ACACA: variants seen among roughly 807,000 people sequenced by gnomAD.
The protein encoded by ACACA is acetyl-CoA carboxylase 1.
In ACACA, 103 loss-of-function variants were observed where a neutral mutation model predicts 296.1. The ratio of observed to expected loss-of-function variants is 0.35; its 90% confidence interval spans 0.30 to 0.41. The LOEUF is 0.41. ACACA is among the 10% of genes least tolerant of loss of function. The pLI is 1.00. For synonymous variants in ACACA, 953 were observed against 1,038.6 expected, an observed-to-expected ratio of 0.92 and a Z score of 1.58; for missense variants, 1,554 against 2,989.7, an observed-to-expected ratio of 0.52 and a Z score of 11.20.
chr17:37,122,659 T>C, intron 48 of ACACA, 32 bp from the exon 49 acceptor site: 1 of 1,570,410 alleles, frequency 6.4e-7, no homozygotes, highest in Non-Finnish European at 8.8e-7. Context: ...AAGAACCCAA[T>C]GTATGTCAAC....
At chr17:37,327,152 ATTTAAC>A (rs1051936964) in intron 3 of ACACA, among the ~76,000 whole-genome samples, 5 of 152,218 alleles carry the variant, frequency 3.3e-5, no homozygotes, top group Non-Finnish European at 7.3e-5. Flanking sequence ...CTTAGTCTCT[ATTTAAC>A]TTTGAGTTCC....
At chr17:37,170,242 T>C (rs1343874643) in intron 41 of ACACA, among the ~76,000 whole-genome samples, 1 of 151,982 alleles carries the variant, frequency 6.6e-6, no homozygotes, top group Non-Finnish European at 1.5e-5. Context: ...GTTTCCCTTA[T>C]ACAAGTTCTA....
intron 42 of ACACA, 33 bp from the exon 43 acceptor site, chr17:37,155,813 T>A: frequency 4.3e-6 from 6 of 1,384,276 alleles, no homozygotes; most frequent in Non-Finnish European, 6.1e-6. Context: ...AACTCATTAT[T>A]TGCCATTGTC....
intron 1 of ACACA, among the ~76,000 whole-genome samples, chr17:37,370,010 C>CTT (rs374109607): frequency 2.3e-5 from 3 of 128,832 alleles, no homozygotes; most frequent in Non-Finnish European, 4.8e-5. Context: ...CTGGCCCCTC[C>CTT]TTTTTTTTTT....
chr17:37,304,499 A>G (rs114736098), intron 3 of ACACA, among the ~76,000 whole-genome samples: 1 of 152,152 alleles, frequency 6.6e-6, no homozygotes, highest in East Asian at 1.9e-4. Flanking sequence ...TGCTTAAAAA[A>G]ACAGTATTTA....
At chr17:37,090,242 C>G (rs1374393605) in intron 54 of ACACA, among the ~76,000 whole-genome samples, 5 of 152,188 alleles carry the variant, frequency 3.3e-5, no homozygotes, top group African/African-American at 1.2e-4. Flanking sequence ...CTAACTATCT[C>G]GTGCCTTCAA....
At chr17:37,390,328 A>ATC (rs1250999812) in intron 1 of ACACA, among the ~76,000 whole-genome samples, 5,528 of 72,826 alleles carry the variant, frequency 0.076, 759 homozygotes, top group East Asian at 0.13. Context: ...ATATATATAT[A>ATC]TATATAAAAG....
chr17:37,257,877 A>G lies in ACACA; in HGVS notation c.1663-11T>C. The G allele has an allele frequency of 2.5e-6, 4 of 1,613,814 alleles. No individual in the cohort carries two copies. The highest frequency in any genetic ancestry group is 3.4e-6 in the Non-Finnish European group (4 of 1,179,752). On this transcript the variant is annotated splice_polypyrimidine_tract_variant and intron_variant, in intron 13 of 55. Coordinates refer to ENST00000616317, the MANE Select transcript of ACACA (RefSeq NM_198834.3). ...GCTGGGCTTAAAACCCTGTTAGAGA[A>G]TAAAGAATGAGAGACCATATTATGT... is the stretch of plus-strand genomic sequence containing the variant.
At chr17:37,328,818 A>G (rs2047731906) in intron 3 of ACACA, 1 of 398,392 alleles carries the variant, frequency 2.5e-6, no homozygotes, top group Non-Finnish European at 4.4e-6. Flanking sequence ...TGCTGGCTGT[A>G]CACAACAATC....
intron 31 of ACACA, 88 bp downstream of exon 31, chr17:37,207,568 GA>G: frequency 6.7e-7 from 1 of 1,501,140 alleles, no homozygotes; most frequent in Non-Finnish European, 9.2e-7. Flanking sequence ...CTATTCGGGA[GA>G]CCTTTATTCA....
At chr17:37,235,821 T>C (rs573723411) in intron 24 of ACACA, among the ~76,000 whole-genome samples, 2 of 152,274 alleles carry the variant, frequency 1.3e-5, no homozygotes, top group African/African-American at 4.8e-5. Flanking sequence ...ACTAAAGTTA[T>C]GCATATTTTC....
At chr17:37,208,305 AATT>A (rs1470725927) in intron 30 of ACACA, among the ~76,000 whole-genome samples, 2 of 152,202 alleles carry the variant, frequency 1.3e-5, no homozygotes, top group Non-Finnish European at 2.9e-5. Context: ...CAACAATTGT[AATT>A]AAGTCACCTG....
At chr17:37,370,416 G>T (rs2049761834) in intron 1 of ACACA, among the ~76,000 whole-genome samples, 1 of 150,488 alleles carries the variant, frequency 6.6e-6, no homozygotes, top group African/African-American at 2.5e-5. Flanking sequence ...GGAGGCCAAG[G>T]CAGGCGGATT....
At chr17:37,289,280 A>G in intron 3 of ACACA, 1 of 398,892 alleles carries the variant, frequency 2.5e-6, no homozygotes, top group Non-Finnish European at 4.4e-6. Context: ...AACAAAAAAC[A>G]AAAAAATCAT....
chr17:37,233,027 G>A (rs1480884461), intron 25 of ACACA, among the ~76,000 whole-genome samples: 3 of 152,252 alleles, frequency 2.0e-5, no homozygotes, highest in Non-Finnish European at 2.9e-5. Context: ...TAATCAGGAT[G>A]ACAAGGTGGG....
chr17:37,348,152 C>CA (rs200582345), intron 1 of ACACA, among the ~76,000 whole-genome samples: 123 of 97,028 alleles, frequency 1.3e-3, no homozygotes, highest in Admixed American at 2.5e-3. Context: ...CTCTGTCTCT[C>CA]AAAAAAAAAA....
chr17:37,099,514 C>G (rs903152134), intron 52 of ACACA, among the ~76,000 whole-genome samples: 1,227 of 77,858 alleles, frequency 0.016, 10 homozygotes, highest in Middle Eastern at 0.022. Flanking sequence ...GGGCTGATAG[C>G]AGGAGGGCTG....
intron 2 of ACACA, among the ~76,000 whole-genome samples, chr17:37,336,081 C>A (rs2048104253): frequency 6.6e-6 from 1 of 152,094 alleles, no homozygotes; most frequent in South Asian, 2.1e-4. Flanking sequence ...TCTTTAACCT[C>A]CTTGTTAAGT....
chr17:37,097,796 G>A lies in ACACA; in HGVS notation c.6720+34C>T, dbSNP rs757118831. ...CACACACACACTTGCCCACATGTGG[G>A]CCTCTGACAAGAAGTGGCAACCATT... On this transcript the variant is annotated intron_variant, in intron 53 of 55. Transcript: ENST00000616317. The surrounding 1 kb of genome is among the most constrained non-coding windows in gnomAD (Gnocchi z 4.8). 8 of 1,612,150 alleles carry A rather than the reference G, an allele frequency of 5.0e-6. No individual in the cohort carries two copies. The Admixed American group carries it at 1.2e-4, about 24-fold the overall frequency.
Sources: allele counts gnomAD v4.1 joint callset (sites outside exome capture counted in the v4.1 genomes callset), GRCh38; gene constraint gnomAD v4.1.1; non-coding constraint Gnocchi (gnomAD v3.1); transcripts MANE v1.5; gene names NCBI Gene and HGNC (gene_info 2026-07-23, HGNC 2026-07-21).